GPRC6A: variants seen among roughly 807,000 people sequenced by gnomAD.
The protein encoded by GPRC6A is G protein-coupled receptor family C group 6 member A.
A neutral mutation model predicts 47.0 loss-of-function variants in GPRC6A; 54 were observed. The observed-to-expected ratio is 1.15, with a 90% CI of 0.92 to 1.44. The LOEUF is 1.44. Ranked by LOEUF, GPRC6A falls within the 40% of genes most tolerant of loss-of-function variation. The pLI, the probability that GPRC6A is intolerant of heterozygous loss-of-function variation, is 0.00. For missense variants in GPRC6A, 1,112 were observed against 1,105.5 expected, an observed-to-expected ratio of 1.01 and a Z score of -0.08; for synonymous variants, 347 against 377.1, an observed-to-expected ratio of 0.92 and a Z score of 0.93.
At chr6:116,821,860 G>A (rs1773495452) in intron 1 of GPRC6A, among the ~76,000 whole-genome samples, 1 of 150,932 alleles carries the variant, frequency 6.6e-6, no homozygotes, top group Admixed American at 6.6e-5. Context: ...ATTGACAAAT[G>A]GGATCTAATT....
chr6:116,798,657 G>C (rs939267088), intron 4 of GPRC6A, among the ~76,000 whole-genome samples: 1 of 152,034 alleles, frequency 6.6e-6, no homozygotes, highest in Non-Finnish European at 1.5e-5. Flanking sequence ...GGCCGAGGCA[G>C]GTGGATCACA....
At chr6:116,824,052 A>T (rs1054685015) in intron 1 of GPRC6A, among the ~76,000 whole-genome samples, 1 of 152,152 alleles carries the variant, frequency 6.6e-6, no homozygotes, top group East Asian at 1.9e-4. Flanking sequence ...AAAGACACAG[A>T]TCCAAACCAT....
At chr6:116,819,312 C>T (rs1289954127) in intron 1 of GPRC6A, among the ~76,000 whole-genome samples, 24 of 150,550 alleles carry the variant, frequency 1.6e-4, no homozygotes, top group Non-Finnish European at 2.4e-4. Context: ...GACAGAAAGT[C>T]AACAAGGATA....
At chr6:116,805,839 G>A (rs770440006) in intron 3 of GPRC6A, among the ~76,000 whole-genome samples, 7 of 151,928 alleles carry the variant, frequency 4.6e-5, no homozygotes, top group African/African-American at 1.4e-4. Context: ...GAGTCTTTAT[G>A]TGTATATGTA....
Position 116,795,793 on chromosome 6 carries a change from T to C in GPRC6A, c.1591A>G (p.Met531Val). Reference sequence around the variant, plus strand: ...TGTTGACTTCTTGTAGTTTTCTTCATTTGCCCAGGACTGCATTCCTTGGAG... The same window carrying C: ...TGTTGACTTCTTGTAGTTTTCTTCACTTGCCCAGGACTGCATTCCTTGGAG... ...KCSKECSPGQMKKTTRSQHIC... is the reference protein window; with the variant it reads ...KCSKECSPGQVKKTTRSQHIC... The change falls in exon 5 of 6, where the codon ATG (methionine) becomes GTG (valine). Residue 531 changes from methionine to valine, a missense_variant. By Grantham distance (21) the Met-to-Val change is conservative (BLOSUM62 1). Transcript: ENST00000310357. 3 of 1,609,644 alleles carry C rather than the reference T, an allele frequency of 1.9e-6. No homozygotes were observed. Among genetic ancestry groups the C allele is most frequent in the Non-Finnish European group, 8.5e-7 (1 of 1,176,394 alleles).
At chr6:116,796,387 T>C (rs1215923914) in intron 4 of GPRC6A, among the ~76,000 whole-genome samples, 1 of 152,192 alleles carries the variant, frequency 6.6e-6, no homozygotes, top group Non-Finnish European at 1.5e-5. Flanking sequence ...TATATACTAT[T>C]TAAATAATCT....
At chr6:116,815,713 A>G (rs1000123383) in intron 1 of GPRC6A, among the ~76,000 whole-genome samples, 3 of 152,236 alleles carry the variant, frequency 2.0e-5, no homozygotes, top group African/African-American at 7.2e-5. Flanking sequence ...AACAAGAGGA[A>G]CTTTGGAAAC....
At position 116,793,160 on chromosome 6, in the gene GPRC6A, T is replaced by C; in HGVS notation, c.1763A>G (p.Asn588Ser). 7 of 1,613,510 alleles carry C rather than the reference T, an allele frequency of 4.3e-6. No homozygotes were observed. Among genetic ancestry groups the C allele is most frequent in the Admixed American group, 1.7e-5 (1 of 59,974 alleles). ...MCFEKEVEYL[N>S]WNDSLAILLL... ...TAGGATGGCCAAGGAGTCATTCCAG[T>C]TGAGATATTCCACTTCCTTTTCAAA... The change falls in exon 6 of 6, where the codon AAC (asparagine) becomes AGC (serine). Residue 588 changes from asparagine (N) to serine (S), a missense_variant. By Grantham distance (46) the Asn-to-Ser change is conservative. Coordinates refer to ENST00000310357, the MANE Select transcript of GPRC6A (RefSeq NM_148963.4).
chr6:116,828,233 C>T (rs1437948727), intron 1 of GPRC6A, among the ~76,000 whole-genome samples: 1 of 152,084 alleles, frequency 6.6e-6, no homozygotes, highest in Non-Finnish European at 1.5e-5. Context: ...CTTTACTTTT[C>T]CACATTATAC....
chr6:116,828,626 G>A (rs1333814945), intron 1 of GPRC6A, among the ~76,000 whole-genome samples, 194 bp downstream of exon 1: 5 of 152,008 alleles, frequency 3.3e-5, no homozygotes, highest in Non-Finnish European at 7.4e-5. Flanking sequence ...GCACTTGGAG[G>A]TTGTTTCATT....
intron 1 of GPRC6A, among the ~76,000 whole-genome samples, chr6:116,814,209 A>C (rs975350097): frequency 4.6e-5 from 7 of 152,192 alleles, no homozygotes; most frequent in African/African-American, 1.7e-4. Flanking sequence ...TTCCTCAAGG[A>C]TCTAGAACTG....
At chr6:116,809,019 A>T (rs748317311) in intron 2 of GPRC6A, among the ~76,000 whole-genome samples, 1 of 152,112 alleles carries the variant, frequency 6.6e-6, no homozygotes, top group Non-Finnish European at 1.5e-5. Context: ...ATCTCTTACT[A>T]TGTTTCCTTT....
At position 116,800,648 on chromosome 6, in the gene GPRC6A, T is replaced by A; in HGVS notation, c.1484A>T (p.Asp495Val). Reference protein sequence around the residue: ...HMTVTKMAEYDLQNDVFIIPD... With the variant: ...HMTVTKMAEYVLQNDVFIIPD... ...GATGATGAAGACATCATTCTGTAGG[T>A]CATATTCTGCCATCTTAGTGACAGT... The change falls in exon 4 of 6, where the codon GAC (aspartate) becomes GTC (valine). Residue 495 changes from aspartate to valine, a missense_variant. By Grantham distance (152) the Asp-to-Val change is radical. Coordinates refer to ENST00000310357, the MANE Select transcript of GPRC6A (RefSeq NM_148963.4). The A allele has an allele frequency of 3.1e-6, 5 of 1,613,454 alleles. No homozygotes were observed. Among genetic ancestry groups the A allele is most frequent in the Non-Finnish European group, 4.2e-6 (5 of 1,179,534 alleles).
At chr6:116,811,835 A>G (rs1278965432) in intron 1 of GPRC6A, among the ~76,000 whole-genome samples, 1 of 152,158 alleles carries the variant, frequency 6.6e-6, no homozygotes, top group Admixed American at 6.5e-5. Flanking sequence ...ATAAAGGAAA[A>G]AAAAAGAATT....
At chr6:116,820,813 C>T (rs1215052006) in intron 1 of GPRC6A, among the ~76,000 whole-genome samples, 1 of 150,306 alleles carries the variant, frequency 6.7e-6, no homozygotes, top group Admixed American at 6.6e-5. Context: ...CAGGGATGCC[C>T]TCTCTCACCA....
intron 1 of GPRC6A, among the ~76,000 whole-genome samples, chr6:116,822,021 AC>A (rs1192909589): frequency 7.0e-6 from 1 of 142,386 alleles, no homozygotes; most frequent in Non-Finnish European, 1.5e-5. Context: ...CAAGAAAAAA[AC>A]GAACAACCCC....
intron 1 of GPRC6A, among the ~76,000 whole-genome samples, chr6:116,820,281 A>AGAAGGAACTGCT (rs1773415641): frequency 6.6e-6 from 1 of 152,228 alleles, no homozygotes; most frequent in Non-Finnish European, 1.5e-5. Context: ...GCAGAGGTAA[A>AGAAGGAACTGCT]AGGAGGAACT....
At chr6:116,795,665 A>T in intron 5 of GPRC6A, 47 bp downstream of exon 5, 1 of 1,428,222 alleles carries the variant, frequency 7.0e-7, no homozygotes, top group East Asian at 2.4e-5. Flanking sequence ...AAGAAAAAAA[A>T]AGCCTAAGAG....
intron 1 of GPRC6A, among the ~76,000 whole-genome samples, chr6:116,812,781 T>G (rs1773069885): frequency 6.6e-6 from 1 of 152,126 alleles, no homozygotes; most frequent in South Asian, 2.1e-4. Flanking sequence ...GATAAAGAAA[T>G]AAACGGTATT....
Sources: gnomAD v4.1 joint callset for allele counts (sites outside exome capture counted in the v4.1 genomes callset) on GRCh38, gnomAD v4.1.1 for gene constraint, MANE v1.5 for transcripts, NCBI Gene and HGNC (gene_info 2026-07-23, HGNC 2026-07-21) for gene names.